The following MYO5B variants were observed in gnomAD, a reference collection of about 807,000 sequenced individuals.
MYO5B encodes unconventional myosin-Vb.
In MYO5B, 143 loss-of-function variants were observed where a neutral mutation model predicts 229.3. The ratio of observed to expected loss-of-function variants is 0.62; its 90% CI spans 0.54 to 0.72. The LOEUF is 0.72. Ranked by LOEUF, MYO5B falls within the 30% of genes least tolerant of loss-of-function variation. MYO5B has a pLI of 0.00. For synonymous variants in MYO5B, 918 were observed against 885.2 expected, an observed-to-expected ratio of 1.04 and a Z score of -0.66; for missense variants, 2,321 against 2,331.0, an observed-to-expected ratio of 1.00 and a Z score of 0.09.
intron 30 of MYO5B, 32 bp downstream of exon 30, chr18:49,856,781 A>C (rs2024267632): frequency 1.3e-6 from 2 of 1,582,574 alleles, no homozygotes; most frequent in Non-Finnish European, 1.7e-6. Context: ...CAACGGACAA[A>C]GCAGACACAG....
At chr18:49,919,443 AATAT>A (rs1250137154) in intron 17 of MYO5B, among the ~76,000 whole-genome samples, 12 of 152,316 alleles carry the variant, frequency 7.9e-5, no homozygotes, top group African/African-American at 2.4e-4. Flanking sequence ...TCATATTCTT[AATAT>A]ATAAAGAACT....
intron 1 of MYO5B, among the ~76,000 whole-genome samples, chr18:50,187,017 C>G (rs535885011): frequency 1.3e-5 from 2 of 152,306 alleles, no homozygotes; most frequent in African/African-American, 4.8e-5. Flanking sequence ...CATTTCTCCT[C>G]TAAGCTCTTT....
Position 50,081,763 on chromosome 18 carries a change from C to T in MYO5B, c.28-26385G>A, listed in dbSNP as rs1008610522. Among the ~76,000 whole-genome samples the T allele has an allele frequency of 2.7e-5, 4 of 146,838 alleles. No homozygotes were observed. In the East Asian group the frequency reaches 6.0e-4, roughly 22 times the overall value. On this transcript the variant is annotated intron_variant, in intron 1 of 39. Transcript: ENST00000285039. The stretch of plus-strand genomic sequence containing the variant: ...CACATGCAACCTTTTCTATTCCACC[C>T]CTCTGCTCTGTAATCTTTGTTAAAA...
At chr18:49,947,851 A>T (rs1391586280) in intron 14 of MYO5B, among the ~76,000 whole-genome samples, 5 of 152,252 alleles carry the variant, frequency 3.3e-5, no homozygotes, top group Non-Finnish European at 5.9e-5. Flanking sequence ...GGGACTAAGA[A>T]GCATGAAAAA....
At chr18:50,007,603 C>T (rs991457830) in intron 4 of MYO5B, among the ~76,000 whole-genome samples, 1 of 152,196 alleles carries the variant, frequency 6.6e-6, no homozygotes, top group African/African-American at 2.4e-5. Context: ...TCAGTGCATG[C>T]CACTCTTCTA....
intron 35 of MYO5B, chr18:49,840,464 A>G (rs755344723): frequency 4.6e-5 from 7 of 152,292 alleles, no homozygotes; most frequent in Non-Finnish European, 8.8e-5. Flanking sequence ...TTACTAACCC[A>G]GGGAGAAGAG....
At chr18:50,006,126 C>A (rs1223807131) in intron 4 of MYO5B, among the ~76,000 whole-genome samples, 3 of 152,140 alleles carry the variant, frequency 2.0e-5, no homozygotes, top group African/African-American at 7.2e-5. Flanking sequence ...TACTGCCTAC[C>A]TTTGACATTT....
chr18:49,849,568 T>C lies in MYO5B; in HGVS notation c.4314A>G (p.Glu1438=). 2 of 1,609,042 alleles carry C rather than the reference T, an allele frequency of 1.2e-6. No individual in the cohort carries two copies. The highest frequency in any genetic ancestry group is 2.2e-5 in the South Asian group (2 of 90,960). ...ACACACTCACTCACACCCCCCTACC[T>C]TCTAGGTCCTGGGCTTTCTTCATGT... ...KIYMKKAQDL[E]AAQALAQSER... is the part of the protein sequence containing the mutation. Residue 1438 remains glutamate (E), a splice_region_variant and synonymous_variant, in exon 32 of 40, where the codon GAA becomes GAG. Coordinates refer to ENST00000285039, the MANE Select transcript of MYO5B (RefSeq NM_001080467.3).
At chr18:49,966,465 C>A (rs1006237351) in intron 10 of MYO5B, among the ~76,000 whole-genome samples, 2 of 152,200 alleles carry the variant, frequency 1.3e-5, no homozygotes, top group African/African-American at 4.8e-5. Context: ...AAAGACTGAG[C>A]TATGTCCCTT....
chr18:49,921,325 G>A (rs1463745097), intron 17 of MYO5B, among the ~76,000 whole-genome samples: 1 of 150,084 alleles, frequency 6.7e-6, no homozygotes, highest in Admixed American at 6.7e-5. Context: ...CACACTTTTC[G>A]GGGTAAGCAG....
At chr18:50,072,011 T>A (rs970002242) in intron 1 of MYO5B, among the ~76,000 whole-genome samples, 13 of 152,204 alleles carry the variant, frequency 8.5e-5, no homozygotes, top group African/African-American at 3.1e-4. Flanking sequence ...CTCTAAGGCT[T>A]GGGCTAAAGG....
intron 1 of MYO5B, among the ~76,000 whole-genome samples, chr18:50,057,907 C>T (rs1461195654): frequency 6.6e-6 from 1 of 152,192 alleles, no homozygotes; most frequent in African/African-American, 2.4e-5. Flanking sequence ...ATTCCTGCAA[C>T]ATCATCTCAC....
intron 1 of MYO5B, among the ~76,000 whole-genome samples, chr18:50,188,241 C>T (rs541715510): frequency 2.0e-5 from 3 of 152,308 alleles, no homozygotes; most frequent in Non-Finnish European, 2.9e-5. Context: ...TCCTTCTTTA[C>T]AGCCTCCTCA....
intron 16 of MYO5B, among the ~76,000 whole-genome samples, chr18:49,931,823 G>A (rs1420214266): frequency 2.6e-5 from 4 of 152,142 alleles, no homozygotes; most frequent in Admixed American, 6.5e-5. Context: ...AAGGCAGAGC[G>A]GACACCCCTG....
At chr18:50,065,706 C>T (rs1045937451) in intron 1 of MYO5B, among the ~76,000 whole-genome samples, 5 of 152,088 alleles carry the variant, frequency 3.3e-5, no homozygotes, top group Non-Finnish European at 5.9e-5. Context: ...GGACCACATG[C>T]GGCTAATCTC....
intron 8 of MYO5B, among the ~76,000 whole-genome samples, chr18:49,980,932 C>T (rs1310528833): frequency 6.6e-6 from 1 of 152,226 alleles, no homozygotes; most frequent in Non-Finnish European, 1.5e-5. Flanking sequence ...CATGTATCTG[C>T]AATCATTTTT....
At chr18:50,140,099 G>T (rs1158367154) in intron 1 of MYO5B, among the ~76,000 whole-genome samples, 1 of 152,130 alleles carries the variant, frequency 6.6e-6, no homozygotes, top group Non-Finnish European at 1.5e-5. Flanking sequence ...GTATAATTTT[G>T]CTTCTTTTAT....
chr18:49,955,993 T>G (rs557027556), intron 12 of MYO5B, among the ~76,000 whole-genome samples: 9 of 152,350 alleles, frequency 5.9e-5, no homozygotes, highest in African/African-American at 2.2e-4. Flanking sequence ...CTTCTTGCCT[T>G]GGAGATGAAA....
chr18:50,149,471 T>G (rs1239692846), intron 1 of MYO5B, among the ~76,000 whole-genome samples: 1 of 152,098 alleles, frequency 6.6e-6, no homozygotes, highest in Non-Finnish European at 1.5e-5. Context: ...AGCATGGTAC[T>G]GGTACCAAAA....
Sources: allele counts gnomAD v4.1 joint callset (sites outside exome capture counted in the v4.1 genomes callset), GRCh38; gene constraint gnomAD v4.1.1; transcripts MANE v1.5; gene names NCBI Gene and HGNC (gene_info 2026-07-23, HGNC 2026-07-21).